Variants in SKI observed in about 807,000 individuals in gnomAD.
The protein encoded by SKI is ski oncogene.
SKI carries 23 observed loss-of-function variants against 59.3 expected under a neutral mutation model. The observed-to-expected ratio is 0.39, with a 90% confidence interval of 0.28 to 0.55. SKI has a LOEUF of 0.55. SKI is among the 20% of genes least tolerant of loss of function. The pLI is 0.67. For synonymous variants in SKI, 673 were observed against 488.6 expected (o/e 1.38, Z -4.98); for missense variants, 1,017 against 1,038.9 (o/e 0.98, Z 0.29).
At chr1:2,284,534 C>A (rs1354920049) in intron 1 of SKI, among the ~76,000 whole-genome samples, 1 of 152,194 alleles carries the variant, frequency 6.6e-6, no homozygotes, top group Non-Finnish European at 1.5e-5. Context: ...AGCTGAGGTG[C>A]CTGGGGGGGC....
intron 1 of SKI, among the ~76,000 whole-genome samples, chr1:2,284,118 G>C (rs1639979136): frequency 6.6e-6 from 1 of 152,190 alleles, no homozygotes; most frequent in African/African-American, 2.4e-5. Flanking sequence ...TCCATCTCCT[G>C]TCCACATGGA....
Position 2,306,590 on chromosome 1 carries a change from A to T in SKI, c.2012A>T (p.Gln671Leu). The T allele has an allele frequency of 6.5e-7, 1 of 1,543,188 alleles. No homozygotes were observed. Among genetic ancestry groups the T allele is most frequent in the Non-Finnish European group, 8.7e-7 (1 of 1,145,504 alleles). Residue 671 changes from glutamine (Q) to leucine (L), a missense_variant, in exon 7 of 7, where the codon CAG (glutamine) becomes CTG (leucine). Gln to Leu is a moderately radical substitution (Grantham distance 113). Coordinates refer to ENST00000378536, the MANE Select transcript of SKI (RefSeq NM_003036.4). ...AKYSAQIEDL[Q>L]VKLQHAEADR... ...GCTCCCTTTCAGATCGAAGACCTGC[A>T]GGTGAAGCTGCAGCACGCGGAGGCG...
At chr1:2,240,320 T>C (rs1166330728) in intron 1 of SKI, among the ~76,000 whole-genome samples, 1 of 152,196 alleles carries the variant, frequency 6.6e-6, no homozygotes, top group African/African-American at 2.4e-5. Flanking sequence ...GAGGGAGTCC[T>C]GGGCCTGGAG....
intron 1 of SKI, among the ~76,000 whole-genome samples, chr1:2,244,929 A>G (rs1276893958): frequency 6.6e-6 from 1 of 152,244 alleles, no homozygotes; most frequent in Non-Finnish European, 1.5e-5. Context: ...TAGAAACAGA[A>G]AAGTAGTTAC....
intron 1 of SKI, among the ~76,000 whole-genome samples, chr1:2,297,516 G>T (rs1451384223): frequency 6.6e-6 from 1 of 152,234 alleles, no homozygotes; most frequent in African/African-American, 2.4e-5. Context: ...TCCACCTGCT[G>T]TGGCCCCAGG....
At chr1:2,257,055 C>T (rs891272067) in intron 1 of SKI, among the ~76,000 whole-genome samples, 7 of 152,214 alleles carry the variant, frequency 4.6e-5, no homozygotes, top group African/African-American at 1.4e-4. Context: ...TGGAGGTCTC[C>T]GCCTTATCAT....
Position 2,229,716 on chromosome 1 carries a change from A to G in SKI, c.950A>G (p.Tyr317Cys). The G allele has an allele frequency of 6.4e-7, 1 of 1,573,064 alleles. No individual in the cohort carries two copies. The highest frequency in any genetic ancestry group is 8.6e-7 in the Non-Finnish European group (1 of 1,159,910). ...VKEKFDYGNKYKRRVPRVSSE... is the reference protein window; with the variant it reads ...VKEKFDYGNKCKRRVPRVSSE... ...GAGAAATTCGACTATGGCAACAAGT[A>G]CAAGCGGCGGGTGCCCCGGGTGAGT... Residue 317 changes from tyrosine (Y) to cysteine (C), a missense_variant, in exon 1 of 7, where the codon TAC becomes TGC. By Grantham distance (194) the Tyr-to-Cys change is radical (BLOSUM62 -2). Transcript: ENST00000378536. The surrounding 1 kb of genome is among the most constrained non-coding windows in gnomAD (Gnocchi z 6.3).
chr1:2,290,851 G>C (rs1640147266), intron 1 of SKI, among the ~76,000 whole-genome samples: 1 of 152,218 alleles, frequency 6.6e-6, no homozygotes, highest in Non-Finnish European at 1.5e-5. Context: ...TCCGATTCTT[G>C]GTGAATCAGC....
chr1:2,289,513 A>G (rs1444042573), intron 1 of SKI, among the ~76,000 whole-genome samples: 1 of 115,812 alleles, frequency 8.6e-6, no homozygotes, highest in Non-Finnish European at 1.8e-5. Flanking sequence ...GGGGGGGTGC[A>G]GGGCAGGGCA....
chr1:2,229,630 C>T lies in SKI; in HGVS notation c.864C>T (p.Ser288=), dbSNP rs1317247916. 6.2e-7 allele frequency: 1 copy of T among 1,612,486 alleles called. No homozygotes were observed. The highest frequency in any genetic ancestry group is 1.1e-5 in the South Asian group (1 of 91,050). Reference sequence around the variant, plus strand: ...ACTGGCGGGCCTACATCCTGCTGAGCCAGGATTACACGGGCAAGGAGGAGC... The same window carrying T: ...ACTGGCGGGCCTACATCCTGCTGAGTCAGGATTACACGGGCAAGGAGGAGC... ...SANWRAYILL[S]QDYTGKEEQA... Residue 288 remains serine, a synonymous_variant, in exon 1 of 7, where the codon AGC becomes AGT. Coordinates refer to ENST00000378536, the MANE Select transcript of SKI (RefSeq NM_003036.4). The surrounding 1 kb of genome is among the most constrained non-coding windows in gnomAD (Gnocchi z 6.3).
Position 2,304,553 on chromosome 1 carries a change from G to A in SKI, c.1735G>A (p.Ala579Thr), listed in dbSNP as rs370558210. The A allele has an allele frequency of 3.5e-5, 55 of 1,569,230 alleles. No homozygotes were observed. Among genetic ancestry groups the A allele is most frequent in the Middle Eastern group, 3.3e-4 (2 of 6,030 alleles). Residue 579 changes from alanine (A) to threonine (T), a missense_variant, in exon 5 of 7, where the codon GCA (alanine) becomes ACA (threonine). Physicochemically the swap from Ala to Thr is moderately conservative, Grantham distance 58. Transcript: ENST00000378536. ...MRVKQEEKLSAALQAKRSLHQ... is the reference protein window; with the variant it reads ...MRVKQEEKLSTALQAKRSLHQ... Reference sequence around the variant, plus strand: ...CGTGAAGCAGGAGGAGAAGCTCAGCGCAGCCCTGCAGGCCAAGCGCAGCCT... The same window carrying A: ...CGTGAAGCAGGAGGAGAAGCTCAGCACAGCCCTGCAGGCCAAGCGCAGCCT...
In SKI at chr1:2,269,247, C is replaced by G. The variant is rs1434524890; in HGVS notation, c.970-33731C>G. Among the ~76,000 whole-genome samples, 3 of 152,186 alleles carry G rather than the reference C, an allele frequency of 2.0e-5. No homozygotes were observed. The highest frequency in any genetic ancestry group is 2.9e-5 in the Non-Finnish European group (2 of 68,046). Reference sequence around the variant, plus strand: ...CAGGTGTGAGCCACCGTGCCTGGCCCATGTTTGATTCTCGATGCAGATCCA... The same window carrying G: ...CAGGTGTGAGCCACCGTGCCTGGCCGATGTTTGATTCTCGATGCAGATCCA... On this transcript the variant is annotated intron_variant, in intron 1 of 6. Coordinates refer to ENST00000378536, the MANE Select transcript of SKI (RefSeq NM_003036.4). The surrounding 1 kb of genome is among the most constrained non-coding windows in gnomAD (Gnocchi z 4.7).
At position 2,306,828 on chromosome 1, in the gene SKI, T is replaced by TGCAGCTCCGCCCGGCTCC. The variant is rs1438552939; in HGVS notation, c.*66_*83dup. The TGCAGCTCCGCCCGGCTCC allele has an allele frequency of 4.1e-6, 5 of 1,205,958 alleles. No individual in the cohort carries two copies. In the Admixed American group the frequency reaches 2.2e-4, roughly 52 times the overall value. 74.7% of individuals were successfully genotyped at this position (1,205,958 alleles called of 1,614,324 possible). A position where few individuals can be genotyped will look rare whatever the true frequency, so the allele number is the denominator to read the frequency against. ...GGTGCAGGGGGGCGCGGCTGGGCGGTGCAGCTCCGCCCGGCTCCGCCCCTG... is the reference window on the plus strand; with the variant it reads ...GGTGCAGGGGGGCGCGGCTGGGCGGTGCAGCTCCGCCCGGCTCCGCAGCTCCGCCCGGCTCCGCCCCTG... On this transcript the variant is annotated 3_prime_UTR_variant, in exon 7 of 7. Coordinates refer to ENST00000378536, the MANE Select transcript of SKI (RefSeq NM_003036.4).
intron 1 of SKI, chr1:2,247,927 T>A (rs2100818511): frequency 6.6e-6 from 1 of 152,422 alleles, no homozygotes; most frequent in South Asian, 2.1e-4. Context: ...CCCGCCCCTT[T>A]TACCAGGGCA....
intron 1 of SKI, among the ~76,000 whole-genome samples, chr1:2,302,189 G>A (rs537008570): frequency 6.6e-6 from 1 of 152,240 alleles, no homozygotes; most frequent in Non-Finnish European, 1.5e-5. Context: ...GAGTGGGCTG[G>A]GTCCAGGCAC....
intron 1 of SKI, among the ~76,000 whole-genome samples, chr1:2,278,447 C>T (rs1032641947): frequency 6.6e-6 from 1 of 152,218 alleles, no homozygotes; most frequent in African/African-American, 2.4e-5. Context: ...CTACCCAGGT[C>T]CCTTGGGTCT....
chr1:2,267,237 A>G lies in SKI; in HGVS notation c.970-35741A>G, dbSNP rs990214724. Among the ~76,000 whole-genome samples the G allele has an allele frequency of 5.3e-5, 8 of 152,184 alleles. No homozygotes were observed. Among genetic ancestry groups the G allele is most frequent in the African/African-American group, 1.9e-4 (8 of 41,446 alleles). ...ATCGCTCTTAATAACATCTGCAGGC[A>G]CAGGCGACGATAGCAGTTGTGGGCC... is the stretch of plus-strand genomic sequence containing the variant. On this transcript the variant is annotated intron_variant, in intron 1 of 6. Transcript: ENST00000378536. The surrounding 1 kb of genome is among the most constrained non-coding windows in gnomAD (Gnocchi z 4.1).
At chr1:2,260,706 A>G (rs1287394384) in intron 1 of SKI, among the ~76,000 whole-genome samples, 1 of 151,584 alleles carries the variant, frequency 6.6e-6, no homozygotes, top group African/African-American at 2.4e-5. Flanking sequence ...ACACCTGGCT[A>G]ATTTTTGTAT....
intron 1 of SKI, among the ~76,000 whole-genome samples, chr1:2,275,717 T>C (rs537931164): frequency 2.5e-4 from 38 of 152,204 alleles, no homozygotes; most frequent in Non-Finnish European, 5.0e-4. Flanking sequence ...TTTCACCGTG[T>C]TAGCCAGGAT....
Sources: allele counts gnomAD v4.1 joint callset (sites outside exome capture counted in the v4.1 genomes callset), GRCh38; gene constraint gnomAD v4.1.1; non-coding constraint Gnocchi (gnomAD v3.1); transcripts MANE v1.5; gene names NCBI Gene and HGNC (gene_info 2026-07-23, HGNC 2026-07-21).